ARPC2: variants seen among roughly 807,000 people sequenced by gnomAD.
The protein encoded by ARPC2 is actin related protein 2/3 complex subunit 2, also known as actin-related protein 2/3 complex subunit 2.
Under a neutral mutation model 38.6 loss-of-function variants are expected in ARPC2, and 4 were observed. The ratio of observed to expected loss-of-function variants is 0.10; its 90% CI spans 0.05 to 0.24. The LOEUF is 0.24. Among genes scored for constraint, ARPC2 ranks in the 10% least tolerant of loss-of-function variants. The pLI, the probability that ARPC2 is intolerant of heterozygous loss-of-function variation, is 1.00. For missense variants in ARPC2, 229 were observed against 387.3 expected (o/e 0.59, Z 3.43); for synonymous variants, 125 against 140.8 (o/e 0.89, Z 0.79).
chr2:218,254,206 G>GT lies in ARPC2; in HGVS notation c.*294dup. 2.5e-6 allele frequency: 1 copy of GT among 395,038 alleles called. No individual in the cohort carries two copies. Among genetic ancestry groups the GT allele is most frequent in the South Asian group, 3.5e-5 (1 of 28,894 alleles). The allele number at this position is 395,038 out of a possible 1,614,324, so 24.5% of individuals were successfully genotyped here. Reference sequence around the variant, plus strand: ...TTTCTCCCACCCTCTTTTCCAAGCTGTTTCGCTTTGCAATATATTACTGGT... The same window carrying GT: ...TTTCTCCCACCCTCTTTTCCAAGCTGTTTTCGCTTTGCAATATATTACTGGT... On this transcript the variant is annotated 3_prime_UTR_variant, in exon 11 of 11. Transcript: ENST00000315717.
At chr2:218,239,149 G>T in intron 6 of ARPC2, 1 of 579,222 alleles carries the variant, frequency 1.7e-6, no homozygotes. Flanking sequence ...GTGACCATAG[G>T]TCCATGTTAT....
chr2:218,243,122 C>T (rs1181933438), intron 7 of ARPC2, among the ~76,000 whole-genome samples: 4 of 152,192 alleles, frequency 2.6e-5, no homozygotes, highest in Non-Finnish European at 4.4e-5. Flanking sequence ...TTGTTGAGAG[C>T]TCCTCTTGTT....
chr2:218,247,369 G>T (rs1171052210), intron 8 of ARPC2, among the ~76,000 whole-genome samples: 6 of 152,222 alleles, frequency 3.9e-5, no homozygotes, highest in Non-Finnish European at 7.3e-5. Context: ...CCACTGGAAT[G>T]TCTCCTTTGT....
At chr2:218,234,244 A>G in intron 4 of ARPC2, 108 bp from the exon 5 acceptor site, 6 of 823,676 alleles carry the variant, frequency 7.3e-6, no homozygotes, top group Non-Finnish European at 1.1e-5. Flanking sequence ...AAAGTTAGGA[A>G]GAATGCCAAC....
intron 4 of ARPC2, among the ~76,000 whole-genome samples, chr2:218,232,546 A>ATTT (rs71064418): frequency 2.5e-4 from 21 of 83,142 alleles, no homozygotes; most frequent in Admixed American, 5.9e-4. Flanking sequence ...GCCAGACTCA[A>ATTT]TTTTTTTTTT....
At chr2:218,250,311 G>C (rs1435820551) in intron 10 of ARPC2, among the ~76,000 whole-genome samples, 2 of 152,062 alleles carry the variant, frequency 1.3e-5, no homozygotes. Flanking sequence ...CTTTTTCCTG[G>C]TCCACTCTCA....
In ARPC2 at chr2:218,222,253, C is replaced by T. The variant is rs183301119; in HGVS notation, c.75-3667C>T. Among the ~76,000 whole-genome samples the T allele has an allele frequency of 3.0e-3, 456 of 151,882 alleles. 1 individual carries two copies. The highest frequency in any genetic ancestry group is 0.01 in the African/African-American group (430 of 41,410). On this transcript the variant is annotated intron_variant, in intron 2 of 10. Coordinates refer to ENST00000315717, the MANE Select transcript of ARPC2 (RefSeq NM_152862.3). ...CTGCACTCCAGCCTGGGTGACAGAG[C>T]GAGACCCCATCTCAAGAAAAAAGAA...
At chr2:218,221,509 C>A (rs1689383682) in intron 2 of ARPC2, among the ~76,000 whole-genome samples, 1 of 152,214 alleles carries the variant, frequency 6.6e-6, no homozygotes, top group Admixed American at 6.5e-5. Flanking sequence ...ACACTGCCAC[C>A]TGTCCTGTGG....
intron 2 of ARPC2, among the ~76,000 whole-genome samples, chr2:218,225,270 A>G (rs947950481): frequency 3.3e-5 from 5 of 152,234 alleles, no homozygotes; most frequent in Non-Finnish European, 5.9e-5. Flanking sequence ...TAGTGATTTC[A>G]TAGTGTTATT....
At chr2:218,229,026 T>G (rs906882871) in intron 4 of ARPC2, 176 bp downstream of exon 4, 1 of 484,686 alleles carries the variant, frequency 2.1e-6, no homozygotes. Flanking sequence ...AGGTTTTGAC[T>G]CTTGCTTGCT....
At chr2:218,244,712 G>T (rs1313625796) in intron 7 of ARPC2, among the ~76,000 whole-genome samples, 1 of 152,268 alleles carries the variant, frequency 6.6e-6, no homozygotes, top group East Asian at 1.9e-4. Flanking sequence ...ACATGGCTGT[G>T]TAACCATGCC....
Position 218,249,477 on chromosome 2 carries a change from C to G in ARPC2, c.777+13C>G. The G allele has an allele frequency of 6.4e-7, 1 of 1,564,578 alleles. No individual in the cohort carries two copies. Among genetic ancestry groups the G allele is most frequent in the South Asian group, 1.1e-5 (1 of 87,906 alleles). On this transcript the variant is annotated intron_variant, in intron 9 of 10. Transcript: ENST00000315717. ...CAAGTGCTCTAAGGTGAGGGGGGTGCCAGCATCTCAGCCTCTATGCTCTGG... is the reference window on the plus strand; with the variant it reads ...CAAGTGCTCTAAGGTGAGGGGGGTGGCAGCATCTCAGCCTCTATGCTCTGG...
chr2:218,254,035 C>T lies in ARPC2; in HGVS notation c.*120C>T. On this transcript the variant is annotated 3_prime_UTR_variant, in exon 11 of 11. Transcript: ENST00000315717. ...CTTAAGGGATTCTCCGTTTTGGTTC[C>T]ATTTTGTACACGTTTGGAAAATAAT... is the stretch of plus-strand genomic sequence containing the variant. 5 of 1,341,060 alleles carry T rather than the reference C, an allele frequency of 3.7e-6. No individual in the cohort carries two copies. Among genetic ancestry groups the T allele is most frequent in the Non-Finnish European group, 5.2e-6 (5 of 954,748 alleles). 83.1% of individuals were successfully genotyped at this position (1,341,060 alleles called of 1,614,324 possible).
At chr2:218,226,439 C>G (rs1017583217) in intron 3 of ARPC2, among the ~76,000 whole-genome samples, 1 of 151,448 alleles carries the variant, frequency 6.6e-6, no homozygotes, top group Admixed American at 6.6e-5. Context: ...ACTATCCTGG[C>G]TAACATGATG....
At chr2:218,227,792 A>G (rs1689537580) in intron 3 of ARPC2, among the ~76,000 whole-genome samples, 1 of 152,036 alleles carries the variant, frequency 6.6e-6, no homozygotes, top group South Asian at 2.1e-4. Context: ...GGGTTTCACC[A>G]TGTTGGCCAG....
At chr2:218,240,886 T>G (rs1405340974) in intron 7 of ARPC2, among the ~76,000 whole-genome samples, 1 of 37,230 alleles carries the variant, frequency 2.7e-5, no homozygotes, top group Non-Finnish European at 7.6e-5. Flanking sequence ...AGAGCGAAAC[T>G]CCGACTCAAA....
At chr2:218,221,690 A>G (rs1439913810) in intron 2 of ARPC2, among the ~76,000 whole-genome samples, 1 of 152,250 alleles carries the variant, frequency 6.6e-6, no homozygotes, top group Non-Finnish European at 1.5e-5. Flanking sequence ...GAAGCCAGAT[A>G]GAATGATTCC....
chr2:218,239,505 G>A lies in ARPC2; in HGVS notation c.549+21G>A, dbSNP rs528267781. On this transcript the variant is annotated intron_variant, in intron 7 of 10. Coordinates refer to ENST00000315717, the MANE Select transcript of ARPC2 (RefSeq NM_152862.3). ...TGCAGGTATGGAGCAGACATCTTGG[G>A]GGAAACCCATGCATGGCGACTTATA... The A allele has an allele frequency of 3.8e-6, 6 of 1,597,496 alleles. No individual in the cohort carries two copies. The South Asian group carries it at 4.4e-5, about 12-fold the overall frequency.
Position 218,239,400 on chromosome 2 carries a change from G to A in ARPC2, c.465G>A (p.Glu155=), listed in dbSNP as rs1264462964. ...ATTTTGTTCCTCTCAGGTATGTTGA[G>A]TCTAAAAAGGACAGAGTCACAGTAG... is the stretch of plus-strand genomic sequence containing the variant. ...HYRDDETMYV[E]SKKDRVTVVF... is the part of the protein sequence containing the mutation. The change falls in exon 7 of 11, where the codon GAG becomes GAA. Residue 155 remains glutamate, a synonymous_variant. Coordinates refer to ENST00000315717, the MANE Select transcript of ARPC2 (RefSeq NM_152862.3). 1.2e-6 allele frequency: 2 copies of A among 1,613,344 alleles called. No homozygotes were observed. Among genetic ancestry groups the A allele is most frequent in the Non-Finnish European group, 1.7e-6 (2 of 1,179,372 alleles).
Sources: allele counts gnomAD v4.1 joint callset (sites outside exome capture counted in the v4.1 genomes callset), GRCh38; gene constraint gnomAD v4.1.1; transcripts MANE v1.5; gene names NCBI Gene and HGNC (gene_info 2026-07-23, HGNC 2026-07-21).